Variants in FAM78B observed in about 807,000 individuals in gnomAD.
The protein encoded by FAM78B is family with sequence similarity 78 member B.
FAM78B carries 10 observed loss-of-function variants against 20.0 expected under a neutral mutation model. The ratio of observed to expected loss-of-function variants is 0.50; its 90% CI spans 0.31 to 0.85. The LOEUF is 0.85. Among genes scored for constraint, FAM78B ranks in the 40% least tolerant of loss-of-function variants. The pLI is 0.05. For missense variants in FAM78B, 283 were observed against 345.0 expected (o/e 0.82, Z 1.42); for synonymous variants, 135 against 132.8 (o/e 1.02, Z -0.12).
At chr1:166,059,385 G>A (rs961431672) in exon 3 of FAM78B, 6 of 152,264 alleles carry the variant, frequency 3.9e-5, no homozygotes, top group African/African-American at 1.4e-4. Context: ...CAAGGGAGAG[G>A]TGATACTAGA....
intron 1 of FAM78B, 27 bp from the exon 2 acceptor site, chr1:166,070,790 A>G: frequency 6.6e-7 from 1 of 1,515,358 alleles, no homozygotes; most frequent in Non-Finnish European, 8.8e-7. Flanking sequence ...CATGCACAAG[A>G]AAAGAAGAGG....
chr1:166,152,081 G>T (rs973381), intron 1 of FAM78B, among the ~76,000 whole-genome samples: 2 of 152,118 alleles, frequency 1.3e-5, no homozygotes, highest in South Asian at 2.1e-4. Flanking sequence ...AGACATTTTA[G>T]AATCCCAGCA....
At chr1:166,099,550 T>C (rs1653424257) in intron 1 of FAM78B, among the ~76,000 whole-genome samples, 2 of 152,154 alleles carry the variant, frequency 1.3e-5, no homozygotes, top group South Asian at 4.1e-4. Flanking sequence ...TAAAGACTCA[T>C]ATAAAGTTAA....
chr1:166,087,902 C>T (rs1023013564), intron 1 of FAM78B, among the ~76,000 whole-genome samples: 1 of 152,126 alleles, frequency 6.6e-6, no homozygotes, highest in Non-Finnish European at 1.5e-5. Flanking sequence ...TAAATGACTA[C>T]AGTGCAAGGA....
At position 166,073,539 on chromosome 1, in the gene FAM78B, T is replaced by C. The variant is rs1252068918; in HGVS notation, c.264-2776A>G. ...CTCCCTTCCTTTCTCTTTCTCTCTT[T>C]TTTTTTTTTTTTCCAAAAGGAGAGT... On this transcript the variant is annotated intron_variant, in intron 1 of 1. Coordinates refer to ENST00000354422, the MANE Select transcript of FAM78B (RefSeq NM_001017961.5). 7.0e-4 allele frequency among the ~76,000 whole-genome samples: 91 copies of C among 130,884 alleles called. 2 individuals carry two copies. The highest frequency in any genetic ancestry group is 3.6e-3 in the African/African-American group (81 of 22,296). 85.9% of individuals were successfully genotyped at this position (130,884 alleles called of 152,430 possible). A position where few individuals can be genotyped will look rare whatever the true frequency, so the allele number is the denominator to read the frequency against.
chr1:166,074,484 T>A (rs1652188669), intron 1 of FAM78B, among the ~76,000 whole-genome samples: 1 of 152,240 alleles, frequency 6.6e-6, no homozygotes, highest in African/African-American at 2.4e-5. Flanking sequence ...GAATTATGAC[T>A]TATTTTTGAA....
chr1:166,103,748 A>G (rs1327641550), intron 1 of FAM78B, among the ~76,000 whole-genome samples: 1 of 152,184 alleles, frequency 6.6e-6, no homozygotes, highest in Non-Finnish European at 1.5e-5. Context: ...GTCCAGATAG[A>G]TTCACAGCCG....
intron 1 of FAM78B, among the ~76,000 whole-genome samples, chr1:166,138,020 T>C (rs913681896): frequency 6.6e-6 from 1 of 152,252 alleles, no homozygotes; most frequent in East Asian, 1.9e-4. Flanking sequence ...CCCTCTTAGA[T>C]CTCTCTAGCC....
At chr1:166,160,535 C>T (rs1656106141) in intron 1 of FAM78B, among the ~76,000 whole-genome samples, 1 of 152,180 alleles carries the variant, frequency 6.6e-6, no homozygotes, top group African/African-American at 2.4e-5. Context: ...TGGGGTAACA[C>T]AGGACAAATA....
intron 1 of FAM78B, among the ~76,000 whole-genome samples, chr1:166,106,507 G>A (rs1653793146): frequency 6.6e-6 from 1 of 152,016 alleles, no homozygotes; most frequent in Non-Finnish European, 1.5e-5. Flanking sequence ...ACAAAAGAAT[G>A]AAATCATGTC....
chr1:166,083,883 A>T (rs2101726972), intron 1 of FAM78B, among the ~76,000 whole-genome samples: 1 of 150,658 alleles, frequency 6.6e-6, no homozygotes, highest in East Asian at 2.0e-4. Flanking sequence ...ACAGCTCACA[A>T]ATGAGAACTA....
At chr1:166,120,538 G>A (rs1654426565) in intron 1 of FAM78B, among the ~76,000 whole-genome samples, 1 of 152,212 alleles carries the variant, frequency 6.6e-6, no homozygotes, top group Admixed American at 6.5e-5. Flanking sequence ...GAGAGCAAAG[G>A]CAGAAGAGTG....
At chr1:166,080,372 A>G (rs1486695778) in intron 1 of FAM78B, among the ~76,000 whole-genome samples, 2 of 152,190 alleles carry the variant, frequency 1.3e-5, no homozygotes, top group Non-Finnish European at 2.9e-5. Context: ...TTAATCAACT[A>G]AAGTGTTTAC....
chr1:166,064,515 A>G (rs570664392), downstream of FAM78B, among the ~76,000 whole-genome samples: 62 of 152,234 alleles, frequency 4.1e-4, no homozygotes, highest in African/African-American at 1.4e-3. Flanking sequence ...TTCCAGCTAC[A>G]CATTCTTTCT....
chr1:166,124,633 C>T (rs552385134), intron 1 of FAM78B, among the ~76,000 whole-genome samples: 2 of 152,362 alleles, frequency 1.3e-5, no homozygotes, highest in South Asian at 4.1e-4. Flanking sequence ...AATAATTTAA[C>T]AGGCTTCAGT....
intron 1 of FAM78B, among the ~76,000 whole-genome samples, chr1:166,112,068 G>C (rs1654077044): frequency 6.6e-6 from 1 of 152,236 alleles, no homozygotes; most frequent in South Asian, 2.1e-4. Flanking sequence ...ATCTCCAGAA[G>C]CAGCCTAGCC....
chr1:166,140,095 C>T (rs1216147185), intron 1 of FAM78B, among the ~76,000 whole-genome samples: 1 of 152,240 alleles, frequency 6.6e-6, no homozygotes, highest in African/African-American at 2.4e-5. Flanking sequence ...AAGCCTGCAG[C>T]AGGGCTAGAC....
chr1:166,131,789 C>T (rs1045322902), intron 1 of FAM78B, among the ~76,000 whole-genome samples: 8 of 152,144 alleles, frequency 5.3e-5, no homozygotes, highest in African/African-American at 1.9e-4. Flanking sequence ...CGTGGCTATG[C>T]ACTAGTTGGA....
At chr1:166,107,303 A>G (rs1465877440) in intron 1 of FAM78B, among the ~76,000 whole-genome samples, 1 of 152,212 alleles carries the variant, frequency 6.6e-6, no homozygotes, top group Admixed American at 6.5e-5. Flanking sequence ...CCTCACTAAG[A>G]AACAAAACAG....
Sources: gnomAD v4.1 joint callset for allele counts (sites outside exome capture counted in the v4.1 genomes callset) on GRCh38, gnomAD v4.1.1 for gene constraint, MANE v1.5 for transcripts, NCBI Gene and HGNC (gene_info 2026-07-23, HGNC 2026-07-21) for gene names.